CMTM7: variants seen among roughly 807,000 people sequenced by gnomAD.
CMTM7 encodes CKLF like MARVEL transmembrane domain containing 7.
CMTM7 carries 7 observed loss-of-function variants against 19.3 expected under a neutral mutation model. The ratio of observed to expected loss-of-function variants is 0.36; its 90% confidence interval spans 0.21 to 0.68. The LOEUF (loss-of-function observed/expected upper bound fraction) is 0.68. CMTM7 is among the 30% of genes least tolerant of loss of function. The pLI is 0.60. For synonymous variants in CMTM7, 87 were observed against 99.3 expected, an observed-to-expected ratio of 0.88 and a Z score of 0.74; for missense variants, 193 against 232.6, an observed-to-expected ratio of 0.83 and a Z score of 1.11.
At position 32,449,516 on chromosome 3, in the gene CMTM7, C is replaced by T. The variant is rs1559415764; in HGVS notation, c.396C>T (p.Ser132=). 6.2e-7 allele frequency: 1 copy of T among 1,613,992 alleles called. No homozygotes were observed. The highest frequency in any genetic ancestry group is 1.3e-5 in the African/African-American group (1 of 74,920). ...TCATCGCCTCCATTGTGGCAGCTTC[C>T]AAGAGTTACAACCAGAGCGGACTGG... ...LLLIASIVAA[S]KSYNQSGLVA... The change falls in exon 3 of 5, where the codon TCC becomes TCT. Residue 132 remains serine (S), a synonymous_variant. Coordinates refer to ENST00000334983, the MANE Select transcript of CMTM7 (RefSeq NM_138410.4). This position sits in a 1 kb window ranked among gnomAD's most constrained non-coding sequence, Gnocchi z 4.5.
intron 1 of CMTM7, among the ~76,000 whole-genome samples, chr3:32,394,036 G>A (rs1254686919): frequency 6.6e-6 from 1 of 152,208 alleles, no homozygotes; most frequent in Non-Finnish European, 1.5e-5. Context: ...TTAAAACCAT[G>A]CTGAGGAGTC....
intron 3 of CMTM7, among the ~76,000 whole-genome samples, chr3:32,450,376 G>A (rs930181728): frequency 3.3e-5 from 5 of 152,122 alleles, no homozygotes; most frequent in Admixed American, 6.6e-5. Flanking sequence ...CCTGGGCAAC[G>A]TACTGAGACC....
At chr3:32,419,142 A>G (rs375672877) in intron 1 of CMTM7, among the ~76,000 whole-genome samples, 1 of 152,142 alleles carries the variant, frequency 6.6e-6, no homozygotes, top group Non-Finnish European at 1.5e-5. Context: ...TTTTGCTGCT[A>G]TTGTAAATAG....
Position 32,452,407 on chromosome 3 carries a change from G to C in CMTM7, c.448G>C (p.Ala150Pro), listed in dbSNP as rs1363407895. ...LVAGAIFGFM[A>P]TFLCMASIWL... ...TCCACTGCAGATCTTTGGTTTCATG[G>C]CCACCTTCCTCTGCATGGCAAGCAT... The change falls in exon 4 of 5, where the codon GCC (alanine) becomes CCC (proline). Residue 150 changes from alanine to proline, a missense_variant. Coordinates refer to ENST00000334983, the MANE Select transcript of CMTM7 (RefSeq NM_138410.4). 6.2e-7 allele frequency: 1 copy of C among 1,614,090 alleles called. No individual in the cohort carries two copies.
chr3:32,421,669 C>T (rs17029445), intron 1 of CMTM7, among the ~76,000 whole-genome samples: 4,571 of 152,274 alleles, frequency 0.03, 93 homozygotes, highest in South Asian at 0.076. Flanking sequence ...GGACAGGGTC[C>T]GTGTCTAAGC....
In CMTM7 at chr3:32,440,070, T is replaced by TACACACAC. The variant is rs10526471; in HGVS notation, c.160-1741_160-1734dup. Among the ~76,000 whole-genome samples, 902 of 150,156 alleles carry TACACACAC rather than the reference T, an allele frequency of 6.0e-3. 9 individuals are homozygous for TACACACAC. Among genetic ancestry groups the TACACACAC allele is most frequent in the African/African-American group, 0.019 (775 of 40,800 alleles). ...CACCCATACACTAACACCACACGCA[T>TACACACAC]ACACACACACACACACACACACACA... On this transcript the variant is annotated intron_variant, in intron 1 of 4. Transcript: ENST00000334983.
intron 1 of CMTM7, among the ~76,000 whole-genome samples, chr3:32,429,685 C>G (rs1311353573): frequency 3.3e-5 from 5 of 151,016 alleles, no homozygotes; most frequent in Admixed American, 3.3e-4. Flanking sequence ...ACTGCAAGCT[C>G]TGTCTCCCAG....
rs370521818 is a variant in CMTM7 at position 32,416,467 on chromosome 3, T to C, written c.159+24402T>C. 9.8e-4 allele frequency among the ~76,000 whole-genome samples: 107 copies of C among 109,176 alleles called. 3 individuals carry two copies. Among genetic ancestry groups the C allele is most frequent in the African/African-American group, 3.5e-3 (102 of 28,996 alleles). 71.6% of individuals were successfully genotyped at this position (109,176 alleles called of 152,430 possible). On this transcript the variant is annotated intron_variant, in intron 1 of 4. Transcript: ENST00000334983. ...CTGCAGTGGCGCAATCTCGGCTCAC[T>C]GCAAGCTCCGCTTCCCGGGTTCACT...
chr3:32,403,778 C>T (rs1696046709), intron 1 of CMTM7, among the ~76,000 whole-genome samples: 2 of 152,126 alleles, frequency 1.3e-5, no homozygotes. Flanking sequence ...GCATTCAGTC[C>T]ATTATTTGGT....
intron 1 of CMTM7, among the ~76,000 whole-genome samples, chr3:32,434,313 A>G (rs932759417): frequency 1.3e-5 from 2 of 152,132 alleles, no homozygotes; most frequent in African/African-American, 4.8e-5. Flanking sequence ...TTACTTATTT[A>G]TGAATTAGGT....
intron 1 of CMTM7, among the ~76,000 whole-genome samples, chr3:32,398,842 G>C (rs920060763): frequency 1.3e-5 from 2 of 152,022 alleles, no homozygotes; most frequent in Non-Finnish European, 2.9e-5. Flanking sequence ...AAAATTAGAT[G>C]GGTGTGGTAG....
At chr3:32,418,359 C>T (rs1696297242) in intron 1 of CMTM7, among the ~76,000 whole-genome samples, 1 of 152,136 alleles carries the variant, frequency 6.6e-6, no homozygotes, top group Non-Finnish European at 1.5e-5. Flanking sequence ...CTATATCTTG[C>T]CTTTTCTTTC....
chr3:32,416,361 A>ATTTTTTTTTTTTTTTTT (rs58085712), intron 1 of CMTM7, among the ~76,000 whole-genome samples: 2 of 72,420 alleles, frequency 2.8e-5, no homozygotes, highest in African/African-American at 1.2e-4. Context: ...ATCCGGGCTA[A>ATTTTTTTTTTTTTTTTT]TTTTTTTTTT....
At chr3:32,441,503 A>G (rs1481338482) in intron 1 of CMTM7, among the ~76,000 whole-genome samples, 1 of 152,190 alleles carries the variant, frequency 6.6e-6, no homozygotes. Context: ...CTCTATGGAT[A>G]TCCAGCAGAT....
intron 2 of CMTM7, 34 bp downstream of exon 2, chr3:32,442,047 C>T: frequency 6.3e-7 from 1 of 1,599,346 alleles, no homozygotes; most frequent in South Asian, 1.1e-5. Context: ...CCTCCGCATG[C>T]ACAAGTCAGG....
chr3:32,441,857 C>T lies in CMTM7; in HGVS notation c.177C>T (p.Ala59=), dbSNP rs200217502. The T allele has an allele frequency of 3.5e-4, 567 of 1,614,146 alleles. 1 individual carries two copies. The highest frequency in any genetic ancestry group is 4.7e-4 in the Non-Finnish European group (549 of 1,180,004). The change falls in exon 2 of 5, where the codon GCC becomes GCT. Residue 59 remains alanine, a synonymous_variant. Coordinates refer to ENST00000334983, the MANE Select transcript of CMTM7 (RefSeq NM_138410.4). ...TGTGGCAGGTCACCCTGCTGATTGC[C>T]TTCATCTGTGTGCGGAGCTCCCTGT... ...KVAQMVTLLI[A]FICVRSSLWT...
At chr3:32,399,754 G>C (rs1181534027) in intron 1 of CMTM7, among the ~76,000 whole-genome samples, 1 of 152,160 alleles carries the variant, frequency 6.6e-6, no homozygotes, top group Non-Finnish European at 1.5e-5. Context: ...GGAAGTTGGA[G>C]AGTAAAAAGC....
intron 4 of CMTM7, among the ~76,000 whole-genome samples, chr3:32,453,982 T>TA (rs2125646050): frequency 1.3e-5 from 2 of 152,306 alleles, no homozygotes; most frequent in African/African-American, 4.8e-5. Context: ...AAGAAATGGC[T>TA]AAAAGGCTTG....
chr3:32,416,421 C>G (rs1696266747), intron 1 of CMTM7, among the ~76,000 whole-genome samples: 1 of 90,860 alleles, frequency 1.1e-5, no homozygotes, highest in East Asian at 3.2e-4. Flanking sequence ...GCTCTGTCCC[C>G]CAGGCCGGAC....
Sources: gnomAD v4.1 joint callset for allele counts (sites outside exome capture counted in the v4.1 genomes callset) on GRCh38, gnomAD v4.1.1 for gene constraint, Gnocchi (gnomAD v3.1) non-coding constraint, MANE v1.5 for transcripts, NCBI Gene and HGNC (gene_info 2026-07-23, HGNC 2026-07-21) for gene names.